Variants in USP32 observed in about 807,000 individuals in gnomAD.
USP32 encodes ubiquitin carboxyl-terminal hydrolase 32.
A neutral mutation model predicts 204.8 loss-of-function variants in USP32; 59 were observed. The ratio of observed to expected loss-of-function variants is 0.29; its 90% CI spans 0.23 to 0.36. The LOEUF is 0.36. Among genes scored for constraint, USP32 ranks in the 10% least tolerant of loss-of-function variants. The probability of loss-of-function intolerance (pLI) is 1.00; values close to 1 mark genes in which losing one functional copy is unlikely to be tolerated. For missense variants in USP32, 1,160 were observed against 1,946.4 expected, an observed-to-expected ratio of 0.60 and a Z score of 7.60; for synonymous variants, 517 against 678.4, an observed-to-expected ratio of 0.76 and a Z score of 3.70.
chr17:60,370,905 G>T (rs1222398756), intron 1 of USP32, among the ~76,000 whole-genome samples: 1 of 151,806 alleles, frequency 6.6e-6, no homozygotes, highest in Non-Finnish European at 1.5e-5. Flanking sequence ...GGACCAGCCT[G>T]AGCAACATAG....
chr17:60,376,732 G>T (rs921112130), intron 1 of USP32, among the ~76,000 whole-genome samples: 1 of 151,826 alleles, frequency 6.6e-6, no homozygotes, highest in East Asian at 1.9e-4. Flanking sequence ...ATGTTGGCCA[G>T]GCTGGTCTCG....
At chr17:60,210,280 T>C (rs974632266) in intron 21 of USP32, among the ~76,000 whole-genome samples, 5 of 152,124 alleles carry the variant, frequency 3.3e-5, no homozygotes, top group Admixed American at 1.3e-4. Context: ...ATAAAACTTA[T>C]ATTCATTAGT....
At chr17:60,205,362 T>G in intron 26 of USP32, 85 bp downstream of exon 26, 1 of 1,499,634 alleles carries the variant, frequency 6.7e-7, no homozygotes, top group Non-Finnish European at 8.9e-7. Flanking sequence ...GAAAATACAT[T>G]CAATGATGTT....
At chr17:60,229,557 A>T (rs1206674818) in intron 12 of USP32, among the ~76,000 whole-genome samples, 1 of 152,202 alleles carries the variant, frequency 6.6e-6, no homozygotes, top group East Asian at 1.9e-4. Context: ...TTTTCAGGTC[A>T]TTTGCTTCCT....
chr17:60,303,626 CTATAT>C (rs2087644535), intron 2 of USP32, among the ~76,000 whole-genome samples: 1 of 151,940 alleles, frequency 6.6e-6, no homozygotes, highest in African/African-American at 2.4e-5. Flanking sequence ...AAACTATAGA[CTATAT>C]TGACTCAACT....
At chr17:60,247,817 G>A (rs897877085) in intron 11 of USP32, among the ~76,000 whole-genome samples, 5 of 152,104 alleles carry the variant, frequency 3.3e-5, no homozygotes, top group African/African-American at 7.2e-5. Context: ...CTGAGTAGCT[G>A]GGACTACAGG....
intron 3 of USP32, among the ~76,000 whole-genome samples, chr17:60,295,003 C>CA (rs765453908): frequency 2.4e-4 from 36 of 151,872 alleles, no homozygotes; most frequent in Non-Finnish European, 3.7e-4. Flanking sequence ...GCCAAATTTG[C>CA]AAAAATCTTT....
chr17:60,237,111 AC>A (rs1487953589), intron 11 of USP32, among the ~76,000 whole-genome samples: 1 of 130,284 alleles, frequency 7.7e-6, no homozygotes, highest in East Asian at 2.3e-4. Flanking sequence ...AAAAAAATCT[AC>A]TCTATCTATC....
intron 1 of USP32, among the ~76,000 whole-genome samples, chr17:60,408,061 G>A (rs1450155491): frequency 1.3e-5 from 2 of 151,914 alleles, no homozygotes; most frequent in African/African-American, 4.8e-5. Flanking sequence ...TGTCGCCACT[G>A]CACTCCAGCC....
At chr17:60,294,902 C>T (rs1182492440) in intron 3 of USP32, 101 bp from the exon 4 acceptor site, 1 of 686,266 alleles carries the variant, frequency 1.5e-6, no homozygotes, top group South Asian at 1.9e-5. Context: ...TGAGTGATTA[C>T]TAGGGCCAAG....
intron 12 of USP32, 139 bp from the exon 13 acceptor site, chr17:60,226,370 A>G (rs1315346029): frequency 1.4e-6 from 1 of 703,714 alleles, no homozygotes; most frequent in Admixed American, 4.1e-5. Context: ...ATTCTAATAC[A>G]TAGCTATATT....
chr17:60,190,889 T>A (rs1487273654), intron 28 of USP32, among the ~76,000 whole-genome samples: 1 of 152,240 alleles, frequency 6.6e-6, no homozygotes, highest in Non-Finnish European at 1.5e-5. Context: ...TTTTCATTTT[T>A]CAAGTCTTTA....
intron 1 of USP32, among the ~76,000 whole-genome samples, chr17:60,374,195 GAAAA>G (rs1247457399): frequency 6.6e-6 from 1 of 151,236 alleles, no homozygotes; most frequent in African/African-American, 2.4e-5. Context: ...AAAAAAAAAA[GAAAA>G]AAGACATAAA....
chr17:60,349,616 TATATATATTA>T (rs1449615379), intron 1 of USP32, among the ~76,000 whole-genome samples: 21 of 68,518 alleles, frequency 3.1e-4, no homozygotes, highest in African/African-American at 1.8e-3. Flanking sequence ...TATATATATA[TATATATATTA>T]TATATATATA....
chr17:60,365,418 T>A (rs775417405), intron 1 of USP32, among the ~76,000 whole-genome samples: 3 of 151,874 alleles, frequency 2.0e-5, no homozygotes, highest in African/African-American at 7.3e-5. Context: ...AAGGTGAAGG[T>A]TGCAGTGAGC....
rs73990680 is a variant in USP32, at chr17:60,207,925, G to T, written c.2925+134C>A. 10,989 of 1,427,092 alleles carry T rather than the reference G, an allele frequency of 7.7e-3. 734 individuals carry two copies. In the African/African-American group the frequency reaches 0.14, roughly 18 times the overall value. 88.4% of individuals were successfully genotyped at this position (1,427,092 alleles called of 1,614,324 possible). On this transcript the variant is annotated intron_variant, in intron 24 of 33. Coordinates refer to ENST00000300896, the MANE Select transcript of USP32 (RefSeq NM_032582.4). The stretch of plus-strand genomic sequence containing the variant: ...TGGGTTGGAAAACTTGGCATTTTTT[G>T]TTGTTGTTGTTCAGTTTTCGTTATG...
intron 1 of USP32, among the ~76,000 whole-genome samples, chr17:60,372,464 A>G (rs911665957): frequency 1.3e-5 from 2 of 152,056 alleles, no homozygotes; most frequent in African/African-American, 4.8e-5. Context: ...TGAATATTGG[A>G]GGCAACTGTA....
At chr17:60,400,591 A>G (rs2089927821) in intron 1 of USP32, among the ~76,000 whole-genome samples, 1 of 152,234 alleles carries the variant, frequency 6.6e-6, no homozygotes, top group Non-Finnish European at 1.5e-5. Flanking sequence ...AGCTTTGGAC[A>G]TATTACATTT....
At chr17:60,215,814 G>A (rs977259789) in intron 16 of USP32, among the ~76,000 whole-genome samples, 4 of 152,114 alleles carry the variant, frequency 2.6e-5, no homozygotes, top group East Asian at 3.9e-4. Flanking sequence ...AGTGCGGTGC[G>A]GCAATCATGG....
Sources: gnomAD v4.1 joint callset for allele counts (sites outside exome capture counted in the v4.1 genomes callset) on GRCh38, gnomAD v4.1.1 for gene constraint, MANE v1.5 for transcripts, NCBI Gene and HGNC (gene_info 2026-07-23, HGNC 2026-07-21) for gene names.